The following ASB15 variants were observed in gnomAD, a reference collection of about 807,000 sequenced individuals.
ASB15 encodes the protein ankyrin repeat and SOCS box containing 15.
In ASB15, 54 loss-of-function variants were observed where a neutral mutation model predicts 58.0. The ratio of observed to expected loss-of-function variants is 0.93; its 90% CI spans 0.75 to 1.17. The LOEUF (loss-of-function observed/expected upper bound fraction) is 1.17. ASB15 is among the 50% of genes most tolerant of loss of function. The pLI is 0.00. For missense variants in ASB15, 680 were observed against 707.4 expected, an observed-to-expected ratio of 0.96 and a Z score of 0.44; for synonymous variants, 249 against 262.4, an observed-to-expected ratio of 0.95 and a Z score of 0.50.
intron 1 of ASB15, among the ~76,000 whole-genome samples, chr7:123,595,838 C>A (rs997493020): frequency 6.6e-6 from 1 of 152,100 alleles, no homozygotes; most frequent in Non-Finnish European, 1.5e-5. Flanking sequence ...GGTGAATGGG[C>A]CATATCTTCA....
At chr7:123,619,151 G>A (rs1003735493) in intron 7 of ASB15, among the ~76,000 whole-genome samples, 1 of 129,256 alleles carries the variant, frequency 7.7e-6, no homozygotes, top group Non-Finnish European at 1.5e-5. Context: ...CTGTACTCCA[G>A]CCTGGACGAC....
chr7:123,624,310 A>G (rs1801620030), intron 7 of ASB15, among the ~76,000 whole-genome samples: 1 of 152,176 alleles, frequency 6.6e-6, no homozygotes, highest in Admixed American at 6.5e-5. Context: ...TATCCTAGTG[A>G]TACGTGTTAT....
chr7:123,627,149 T>TGCTGTTTGA lies in ASB15; in HGVS notation c.739_747dup (p.Leu247_Glu249dup). ...GCTTTGGCGGATGATGGGGCGTCGG[T>TGCTGTTTGA]GCTGTTTGAGGCAGCAGGAGGTGGC... On this transcript the variant is annotated inframe_insertion, in exon 9 of 12. Transcript: ENST00000451215. 9.3e-6 allele frequency: 15 copies of TGCTGTTTGA among 1,613,934 alleles called. No individual in the cohort carries two copies. Among genetic ancestry groups the TGCTGTTTGA allele is most frequent in the Non-Finnish European group, 1.3e-5 (15 of 1,179,942 alleles).
At chr7:123,575,342 T>A (rs1192628029) in intron 1 of ASB15, among the ~76,000 whole-genome samples, 1 of 152,124 alleles carries the variant, frequency 6.6e-6, no homozygotes, top group Non-Finnish European at 1.5e-5. Context: ...TCTTAGTGCT[T>A]GCTTTCATAT....
At chr7:123,584,387 G>A (rs963157269) in intron 1 of ASB15, among the ~76,000 whole-genome samples, 3 of 151,610 alleles carry the variant, frequency 2.0e-5, no homozygotes, top group Admixed American at 6.6e-5. Context: ...GAGTATCTGA[G>A]GGAGGCGGCT....
At chr7:123,613,947 G>A (rs1800626900) in intron 3 of ASB15, among the ~76,000 whole-genome samples, 1 of 152,142 alleles carries the variant, frequency 6.6e-6, no homozygotes, top group African/African-American at 2.4e-5. Context: ...TCAGGAGGCT[G>A]AGGAGGGAGA....
At chr7:123,635,496 G>T (rs1802371978) in intron 11 of ASB15, among the ~76,000 whole-genome samples, 1 of 146,882 alleles carries the variant, frequency 6.8e-6, no homozygotes, top group Admixed American at 6.8e-5. Flanking sequence ...ACCCTTGTTT[G>T]TCTTACTTGA....
At chr7:123,576,244 A>C (rs936814003) in intron 1 of ASB15, among the ~76,000 whole-genome samples, 4 of 150,058 alleles carry the variant, frequency 2.7e-5, no homozygotes, top group African/African-American at 9.8e-5. Flanking sequence ...CTGAGTTTGC[A>C]GCTTTAATTT....
intron 1 of ASB15, among the ~76,000 whole-genome samples, chr7:123,589,017 T>C (rs999912802): frequency 2.0e-5 from 3 of 151,872 alleles, no homozygotes; most frequent in African/African-American, 7.2e-5. Context: ...TCTATGTCCA[T>C]TGATAATGTG....
chr7:123,588,723 T>A (rs1041515125), intron 1 of ASB15, among the ~76,000 whole-genome samples: 2 of 151,756 alleles, frequency 1.3e-5, no homozygotes, highest in Admixed American at 1.3e-4. Context: ...TGCTCTTCCC[T>A]TTTAGAATTG....
intron 2 of ASB15, among the ~76,000 whole-genome samples, chr7:123,606,380 C>T (rs973641209): frequency 6.6e-6 from 1 of 152,176 alleles, no homozygotes; most frequent in Admixed American, 6.5e-5. Context: ...TCCTGGCCTG[C>T]TCAGTCCTAA....
chr7:123,569,637 G>A (rs1025262869), intron 1 of ASB15, among the ~76,000 whole-genome samples: 1 of 152,148 alleles, frequency 6.6e-6, no homozygotes, highest in Non-Finnish European at 1.5e-5. Flanking sequence ...AAGAAAGGTG[G>A]ACAAGGTTAT....
intron 7 of ASB15, 69 bp downstream of exon 7, chr7:123,617,806 G>A (rs1055055609): frequency 2.1e-6 from 3 of 1,416,620 alleles, no homozygotes; most frequent in Non-Finnish European, 2.9e-6. Context: ...GGAAACCACT[G>A]TATAATGGCT....
chr7:123,606,658 T>C (rs1281774789), intron 2 of ASB15, among the ~76,000 whole-genome samples: 4 of 152,214 alleles, frequency 2.6e-5, no homozygotes, highest in Non-Finnish European at 4.4e-5. Context: ...TTCTACTCTT[T>C]TTTCTATGAC....
intron 1 of ASB15, among the ~76,000 whole-genome samples, chr7:123,582,778 A>G (rs1323742125): frequency 2.6e-5 from 4 of 151,876 alleles, no homozygotes; most frequent in Non-Finnish European, 5.9e-5. Context: ...CATCCCCTCC[A>G]CTGACTGAGA....
chr7:123,572,790 A>G (rs555035250), intron 1 of ASB15, among the ~76,000 whole-genome samples: 10 of 150,426 alleles, frequency 6.6e-5, no homozygotes, highest in Non-Finnish European at 1.2e-4. Flanking sequence ...AGTTTTATAC[A>G]TTTGTTACAT....
intron 11 of ASB15, among the ~76,000 whole-genome samples, chr7:123,632,123 T>G (rs185731977): frequency 2.0e-4 from 30 of 151,300 alleles, no homozygotes; most frequent in African/African-American, 7.3e-4. Context: ...CAGAATAATA[T>G]CCCCACGGGC....
intron 1 of ASB15, among the ~76,000 whole-genome samples, chr7:123,570,558 C>T (rs923824010): frequency 7.9e-5 from 12 of 152,168 alleles, no homozygotes; most frequent in Non-Finnish European, 1.5e-4. Flanking sequence ...AAACTGGCTT[C>T]TGACGTCCTC....
intron 1 of ASB15, among the ~76,000 whole-genome samples, chr7:123,603,243 C>A (rs1799972963): frequency 6.6e-6 from 1 of 152,060 alleles, no homozygotes; most frequent in East Asian, 1.9e-4. Flanking sequence ...TGTGTCTAGC[C>A]CTGTGCCTGG....
Sources: allele counts gnomAD v4.1 joint callset (sites outside exome capture counted in the v4.1 genomes callset), GRCh38; gene constraint gnomAD v4.1.1; transcripts MANE v1.5; gene names NCBI Gene and HGNC (gene_info 2026-07-23, HGNC 2026-07-21).